The following CCNT2 variants were observed in gnomAD, a reference collection of about 807,000 sequenced individuals.
The protein encoded by CCNT2 is cyclin-T2.
In CCNT2, 18 loss-of-function variants were observed where a neutral mutation model predicts 70.0. The observed-to-expected ratio is 0.26, with a 90% CI of 0.18 to 0.38. The LOEUF (loss-of-function observed/expected upper bound fraction) is 0.38, where lower values mean the gene tolerates loss of function less well. Among genes scored for constraint, CCNT2 ranks in the 10% least tolerant of loss-of-function variants. The probability of loss-of-function intolerance (pLI) is 1.00; values close to 1 mark genes in which losing one functional copy is unlikely to be tolerated. For synonymous variants in CCNT2, 334 were observed against 313.3 expected (o/e 1.07, Z -0.70); for missense variants, 734 against 890.2 (o/e 0.82, Z 2.23).
At chr2:134,937,184 G>A (rs1449140114) in intron 3 of CCNT2, among the ~76,000 whole-genome samples, 3 of 152,152 alleles carry the variant, frequency 2.0e-5, no homozygotes, top group African/African-American at 2.4e-5. Context: ...AGAAGGCTTT[G>A]ATTCCAGGTG....
intron 5 of CCNT2, chr2:134,945,150 T>G (rs1020180105): frequency 1.0e-6 from 1 of 985,282 alleles, no homozygotes; most frequent in Non-Finnish European, 1.2e-6. Context: ...CCCCAATCCC[T>G]TTTGTAAAAC....
At chr2:134,931,128 G>A (rs1451820261) in intron 2 of CCNT2, among the ~76,000 whole-genome samples, 2 of 151,562 alleles carry the variant, frequency 1.3e-5, no homozygotes, top group Non-Finnish European at 2.9e-5. Context: ...ACGCCCGGCT[G>A]ATTTTTTGTA....
At chr2:134,942,477 T>G in intron 4 of CCNT2, 135 bp from the exon 5 acceptor site, 22 of 438,550 alleles carry the variant, frequency 5.0e-5, no homozygotes, top group South Asian at 8.8e-5. Context: ...GGAAAAGTAA[T>G]GAGAATGTCA....
intron 2 of CCNT2, among the ~76,000 whole-genome samples, chr2:134,929,008 G>A (rs1206586749): frequency 6.6e-6 from 1 of 151,994 alleles, no homozygotes; most frequent in Non-Finnish European, 1.5e-5. Flanking sequence ...GAGTTGATAT[G>A]GTTCACTTTA....
At position 134,958,836 on chromosome 2, in the gene CCNT2, T is replaced by A. The variant is rs1683061103; in HGVS notation, c.*4188T>A. The A allele has an allele frequency of 6.6e-6, 1 of 152,250 alleles. No individual in the cohort carries two copies. Among genetic ancestry groups the A allele is most frequent in the South Asian group, 2.1e-4 (1 of 4,834 alleles). The allele number at this position is 152,250 out of a possible 1,614,324, so 9.4% of individuals were successfully genotyped here. On this transcript the variant is annotated 3_prime_UTR_variant, in exon 9 of 9. Transcript: ENST00000264157. Reference sequence around the variant, plus strand: ...GTGGCACCTTCTTTATAATTTACTGTTACCTATTCTGCCTGACAGATTGAT... The same window carrying A: ...GTGGCACCTTCTTTATAATTTACTGATACCTATTCTGCCTGACAGATTGAT...
At position 134,955,325 on chromosome 2, in the gene CCNT2, A is replaced by G. The variant is rs1223565370; in HGVS notation, c.*677A>G. 2.0e-5 allele frequency: 3 copies of G among 152,936 alleles called. No homozygotes were observed. The highest frequency in any genetic ancestry group is 4.4e-5 in the Non-Finnish European group (3 of 68,274). 9.5% of individuals were successfully genotyped at this position (152,936 alleles called of 1,614,324 possible). ...CACTGATAGGGGACACTTCACTACCAGATGTGTGCAGTGCAACAGATGGTC... is the reference window on the plus strand; with the variant it reads ...CACTGATAGGGGACACTTCACTACCGGATGTGTGCAGTGCAACAGATGGTC... On this transcript the variant is annotated 3_prime_UTR_variant, in exon 9 of 9. Transcript: ENST00000264157.
At chr2:134,920,384 A>C (rs987819594) in intron 2 of CCNT2, 1 of 152,388 alleles carries the variant, frequency 6.6e-6, no homozygotes, top group Non-Finnish European at 1.5e-5. Flanking sequence ...TAAGATGTCA[A>C]CGTTTCTGTT....
intron 8 of CCNT2, 56 bp from the exon 9 acceptor site, chr2:134,953,174 A>G: frequency 8.0e-7 from 1 of 1,243,386 alleles, no homozygotes; most frequent in Non-Finnish European, 1.1e-6. Context: ...AAGACAAGAA[A>G]TTTGCATTAA....
intron 2 of CCNT2, among the ~76,000 whole-genome samples, chr2:134,921,259 A>C (rs555752733): frequency 6.6e-6 from 1 of 152,242 alleles, no homozygotes; most frequent in Non-Finnish European, 1.5e-5. Context: ...ACTATTCTTT[A>C]TATGGCTACA....
rs1167878831 is a variant in CCNT2, at chr2:134,957,272, A to G, written c.*2624A>G. 2 of 152,230 alleles carry G rather than the reference A, an allele frequency of 1.3e-5. No individual in the cohort carries two copies. The highest frequency in any genetic ancestry group is 3.2e-3 in the Middle Eastern group (1 of 316). The allele number at this position is 152,230 out of a possible 1,614,324, so 9.4% of individuals were successfully genotyped here. ...ATTACTGTGACTCTTGTAAGTAGCC[A>G]TAAATAAACCAAAATAGTATCAAAT... is the stretch of plus-strand genomic sequence containing the variant. On this transcript the variant is annotated 3_prime_UTR_variant, in exon 9 of 9. Transcript: ENST00000264157.
At position 134,936,841 on chromosome 2, in the gene CCNT2, A is replaced by G; in HGVS notation, c.241A>G (p.Ile81Val). 1 of 1,609,544 alleles carries G rather than the reference A, an allele frequency of 6.2e-7. No individual in the cohort carries two copies. The highest frequency in any genetic ancestry group is 8.5e-7 in the Non-Finnish European group (1 of 1,178,218). Residue 81 changes from isoleucine to valine, a missense_variant and splice_region_variant, in exon 3 of 9, where the codon ATA (isoleucine) becomes GTA (valine). This residue lies in a region of CCNT2 where 161 missense variants were observed against 303.8 expected (regional missense o/e 0.53). Coordinates refer to ENST00000264157, the MANE Select transcript of CCNT2 (RefSeq NM_058241.3). ...GACCAGAGTTTTATCTTTTCTGCAG[A>G]TAATATCGTCTACTGCATTATTTTT... ...HHSFTKFNKN[I>V]ISSTALFLAA...
At chr2:134,945,380 A>G in intron 5 of CCNT2, 1 of 985,420 alleles carries the variant, frequency 1.0e-6, no homozygotes, top group Non-Finnish European at 1.2e-6. Context: ...AAGAGGCAGA[A>G]TAAGGGGAGG....
Position 134,953,696 on chromosome 2 carries a change from C to T in CCNT2, c.1241C>T (p.Ala414Val). Residue 414 changes from alanine to valine, a missense_variant, in exon 9 of 9, where the codon GCA becomes GTA. Around this residue, in one of 3 missense-constraint regions of CCNT2, gnomAD observed 532 missense variants for 556.9 expected, o/e 0.96. Transcript: ENST00000264157. Reference protein sequence around the residue: ...SSVKQEYTHKAGSSKHHGPIS... With the variant: ...SSVKQEYTHKVGSSKHHGPIS... The stretch of plus-strand genomic sequence containing the variant: ...GTTAAGCAAGAATATACTCATAAAG[C>T]AGGGAGCAGTAAACACCATGGGCCA... 1.2e-6 allele frequency: 2 copies of T among 1,613,696 alleles called. No homozygotes were observed. Among genetic ancestry groups the T allele is most frequent in the Non-Finnish European group, 1.7e-6 (2 of 1,179,630 alleles).
intron 3 of CCNT2, among the ~76,000 whole-genome samples, chr2:134,938,007 C>T (rs578013862): frequency 6.6e-6 from 1 of 152,022 alleles, no homozygotes; most frequent in Non-Finnish European, 1.5e-5. Flanking sequence ...TTCAAAGTCC[C>T]GATTAATTTA....
intron 6 of CCNT2, among the ~76,000 whole-genome samples, chr2:134,947,273 A>G (rs529448637): frequency 6.6e-6 from 1 of 152,216 alleles, no homozygotes; most frequent in East Asian, 1.9e-4. Flanking sequence ...GCAAATGCCT[A>G]TTAAGCCACT....
At chr2:134,932,602 A>G (rs1382587031) in intron 2 of CCNT2, among the ~76,000 whole-genome samples, 2 of 152,154 alleles carry the variant, frequency 1.3e-5, no homozygotes, top group African/African-American at 4.8e-5. Context: ...TTTCACTCAC[A>G]TAATTATTTG....
At chr2:134,930,268 A>G (rs1218757440) in intron 2 of CCNT2, among the ~76,000 whole-genome samples, 1 of 152,196 alleles carries the variant, frequency 6.6e-6, no homozygotes, top group Non-Finnish European at 1.5e-5. Context: ...TTCACGAAGC[A>G]TGTTTTCAAG....
At chr2:134,939,184 C>G (rs1681381719) in intron 4 of CCNT2, 122 bp downstream of exon 4, 2 of 717,402 alleles carry the variant, frequency 2.8e-6, no homozygotes, top group South Asian at 1.8e-5. Flanking sequence ...AGGTTTTAGA[C>G]AGAATAAGGT....
intron 2 of CCNT2, among the ~76,000 whole-genome samples, chr2:134,924,478 C>T (rs914378932): frequency 4.3e-4 from 66 of 152,220 alleles, no homozygotes; most frequent in Middle Eastern, 3.4e-3. Flanking sequence ...AGATAGGAGT[C>T]TGGTCTTGTC....
Sources: gnomAD v4.1 joint callset for allele counts (sites outside exome capture counted in the v4.1 genomes callset) on GRCh38, gnomAD v4.1.1 for gene constraint, gnomAD v4.1.1 regional missense constraint, MANE v1.5 for transcripts, NCBI Gene and HGNC (gene_info 2026-07-23, HGNC 2026-07-21) for gene names.